Variants in PRKCA observed in about 807,000 individuals in gnomAD.
The protein encoded by PRKCA is protein kinase C alpha, also known as protein kinase C alpha type.
In PRKCA, 27 loss-of-function variants were observed where a neutral mutation model predicts 87.0. The ratio of observed to expected loss-of-function variants is 0.31; its 90% confidence interval spans 0.23 to 0.43. The LOEUF (loss-of-function observed/expected upper bound fraction) is 0.43. PRKCA is among the 20% of genes least tolerant of loss of function. The pLI, the probability that PRKCA is intolerant of heterozygous loss-of-function variation, is 1.00. For missense variants in PRKCA, 518 were observed against 852.3 expected (o/e 0.61, Z 4.88); for synonymous variants, 329 against 311.1 (o/e 1.06, Z -0.61).
chr17:66,791,034 C>T (rs527441309), intron 16 of PRKCA, among the ~76,000 whole-genome samples: 2 of 150,796 alleles, frequency 1.3e-5, no homozygotes, highest in South Asian at 4.2e-4. Context: ...TTGTAGGGTA[C>T]ATGTGCACAA....
intron 16 of PRKCA, among the ~76,000 whole-genome samples, chr17:66,790,895 C>T (rs560584001): frequency 4.4e-4 from 67 of 151,580 alleles, no homozygotes; most frequent in African/African-American, 1.6e-3. Context: ...CTGTGGTCCA[C>T]GGAAATCACA....
chr17:66,504,937 G>T (rs769406625), intron 3 of PRKCA, among the ~76,000 whole-genome samples: 3 of 152,094 alleles, frequency 2.0e-5, no homozygotes, highest in Non-Finnish European at 2.9e-5. Flanking sequence ...TGCATGTCCT[G>T]TCGGGACCCC....
chr17:66,805,042 C>T lies in PRKCA; in HGVS notation c.*1005C>T, dbSNP rs1301290996. On this transcript the variant is annotated 3_prime_UTR_variant, in exon 17 of 17. Transcript: ENST00000413366. Reference sequence around the variant, plus strand: ...GTGTCGCTTATGAAAGTACGATGTACAGTAACTTAATGGAAGTGCTGACTC... The same window carrying T: ...GTGTCGCTTATGAAAGTACGATGTATAGTAACTTAATGGAAGTGCTGACTC... The T allele has an allele frequency of 6.1e-6, 6 of 983,302 alleles. No individual in the cohort carries two copies. The highest frequency in any genetic ancestry group is 1.2e-4 in the Admixed American group (2 of 16,260). 60.9% of individuals were successfully genotyped at this position (983,302 alleles called of 1,614,324 possible).
At chr17:66,692,651 T>G (rs73328300) in intron 8 of PRKCA, among the ~76,000 whole-genome samples, 1,754 of 152,266 alleles carry the variant, frequency 0.012, 29 homozygotes, top group African/African-American at 0.04. Context: ...CGTTTCCTCC[T>G]TTTCGGTCTG....
chr17:66,474,562 GT>G (rs1915461735), intron 2 of PRKCA, among the ~76,000 whole-genome samples: 1 of 152,164 alleles, frequency 6.6e-6, no homozygotes, highest in African/African-American at 2.4e-5. Context: ...AAAGGACCAA[GT>G]TTGCTGCTTC....
At chr17:66,386,210 T>A (rs965171656) in intron 2 of PRKCA, among the ~76,000 whole-genome samples, 1 of 152,228 alleles carries the variant, frequency 6.6e-6, no homozygotes, top group African/African-American at 2.4e-5. Flanking sequence ...GACTTGCTTT[T>A]TTCATTAACA....
chr17:66,661,904 C>T (rs1971915160), intron 5 of PRKCA, among the ~76,000 whole-genome samples: 2 of 152,224 alleles, frequency 1.3e-5, no homozygotes, highest in Admixed American at 1.3e-4. Context: ...CAACCTTCCC[C>T]TGCGGCAGCT....
intron 3 of PRKCA, among the ~76,000 whole-genome samples, chr17:66,513,360 T>C (rs576749154): frequency 6.6e-6 from 1 of 152,340 alleles, no homozygotes; most frequent in East Asian, 1.9e-4. Flanking sequence ...TGCCGTGTGA[T>C]CGGACATCTT....
chr17:66,423,715 T>TCA (rs1182294034), intron 2 of PRKCA, among the ~76,000 whole-genome samples: 1 of 152,182 alleles, frequency 6.6e-6, no homozygotes, highest in East Asian at 1.9e-4. Context: ...AGAAACACAA[T>TCA]CATACCATGC....
At chr17:66,412,266 A>G (rs1403046550) in intron 2 of PRKCA, among the ~76,000 whole-genome samples, 1 of 152,102 alleles carries the variant, frequency 6.6e-6, no homozygotes, top group East Asian at 1.9e-4. Context: ...CATATTGGCC[A>G]GGCTGGTTTC....
intron 8 of PRKCA, among the ~76,000 whole-genome samples, chr17:66,692,853 A>C (rs1445420298): frequency 1.3e-5 from 2 of 152,152 alleles, no homozygotes; most frequent in Non-Finnish European, 2.9e-5. Flanking sequence ...TCAATGATGA[A>C]TCTGTATTGG....
intron 3 of PRKCA, among the ~76,000 whole-genome samples, chr17:66,574,509 C>G (rs1302449153): frequency 5.9e-5 from 9 of 152,160 alleles, no homozygotes; most frequent in Admixed American, 2.0e-4. Context: ...GTTGTCACCC[C>G]TTCTCTGCAG....
chr17:66,400,190 C>T (rs1472721450), intron 2 of PRKCA, among the ~76,000 whole-genome samples: 3 of 152,154 alleles, frequency 2.0e-5, no homozygotes, highest in Admixed American at 6.5e-5. Flanking sequence ...CTAGCTCTGT[C>T]GCCCAGGCTG....
chr17:66,609,036 T>C (rs921263000), intron 3 of PRKCA, among the ~76,000 whole-genome samples: 3 of 152,158 alleles, frequency 2.0e-5, no homozygotes, highest in Admixed American at 2.0e-4. Context: ...TCATATAGGA[T>C]CTAGAACTCC....
chr17:66,428,912 G>C (rs185599673), intron 2 of PRKCA, among the ~76,000 whole-genome samples: 2 of 152,226 alleles, frequency 1.3e-5, no homozygotes, highest in East Asian at 3.9e-4. Context: ...ATTTAAACTC[G>C]TACTTAAGCA....
rs61761464 is a variant in PRKCA at position 66,739,134 on chromosome 17, G to A, written c.1322+279G>A. Reference sequence around the variant, plus strand: ...TGAGCTCAAGCTGTCTGCCCACCTCGGCCTCCCAAAGTGCGGGGATTACAG... The same window carrying A: ...TGAGCTCAAGCTGTCTGCCCACCTCAGCCTCCCAAAGTGCGGGGATTACAG... On this transcript the variant is annotated intron_variant, in intron 11 of 16. Coordinates refer to ENST00000413366, the MANE Select transcript of PRKCA (RefSeq NM_002737.3). 4.2e-3 allele frequency among the ~76,000 whole-genome samples: 637 copies of A among 152,184 alleles called. 4 individuals carry two copies. The highest frequency in any genetic ancestry group is 0.015 in the African/African-American group (617 of 41,532).
At chr17:66,798,396 T>TGGTGGTGAC (rs1975724369) in intron 16 of PRKCA, among the ~76,000 whole-genome samples, 1 of 121,944 alleles carries the variant, frequency 8.2e-6, no homozygotes, top group African/African-American at 3.7e-5. Context: ...GTGGTGGTGG[T>TGGTGGTGAC]GGTGGTGGTG....
chr17:66,632,754 T>C (rs534844719), intron 3 of PRKCA, among the ~76,000 whole-genome samples: 120 of 152,334 alleles, frequency 7.9e-4, no homozygotes, highest in Non-Finnish European at 1.5e-3. Context: ...TCTAGCTCAT[T>C]TGATTTAACT....
In PRKCA at chr17:66,331,268, G is replaced by A. The variant is rs115335459; in HGVS notation, c.205+25141G>A. 6.1e-3 allele frequency among the ~76,000 whole-genome samples: 928 copies of A among 152,156 alleles called. 8 individuals carry two copies. The highest frequency in any genetic ancestry group is 0.021 in the African/African-American group (869 of 41,486). On this transcript the variant is annotated intron_variant, in intron 2 of 16. Transcript: ENST00000413366. ...TCCTGTCCCATCAACCTCTCCCTTCGTCTGTTTTTCTCTTCTGTGTTTAAG... is the reference window on the plus strand; with the variant it reads ...TCCTGTCCCATCAACCTCTCCCTTCATCTGTTTTTCTCTTCTGTGTTTAAG...
Sources: allele counts gnomAD v4.1 joint callset (sites outside exome capture counted in the v4.1 genomes callset), GRCh38; gene constraint gnomAD v4.1.1; transcripts MANE v1.5; gene names NCBI Gene and HGNC (gene_info 2026-07-23, HGNC 2026-07-21).